Variants in NUDT3 observed in about 807,000 individuals in gnomAD.
NUDT3 encodes the protein diphosphoinositol polyphosphate phosphohydrolase 1.
In NUDT3, 9 loss-of-function variants were observed where a neutral mutation model predicts 23.6. That is an observed-to-expected ratio of 0.38 (90% CI 0.23 to 0.66). The LOEUF is 0.66. NUDT3 is among the 30% of genes least tolerant of loss of function. The pLI, the probability that NUDT3 is intolerant of heterozygous loss-of-function variation, is 0.52. For missense variants in NUDT3, 172 were observed against 218.5 expected (o/e 0.79, Z 1.34); for synonymous variants, 86 against 82.6 (o/e 1.04, Z -0.22).
chr6:34,332,700 G>A lies in NUDT3; in HGVS notation c.210+9162C>T, dbSNP rs1334648266. On this transcript the variant is annotated intron_variant, in intron 2 of 4. Coordinates refer to ENST00000607016, the MANE Select transcript of NUDT3 (RefSeq NM_006703.4). ...AATACTCTGCCACTTTATATAAGGC[G>A]CTTGAGCATCGGCAGATTTTTATAT... 2.6e-5 allele frequency among the ~76,000 whole-genome samples: 4 copies of A among 152,308 alleles called. No individual in the cohort carries two copies. The East Asian group carries it at 5.8e-4, about 22-fold the overall frequency.
chr6:34,360,913 C>T (rs1581890025), intron 1 of NUDT3, among the ~76,000 whole-genome samples: 1 of 152,212 alleles, frequency 6.6e-6, no homozygotes, highest in African/African-American at 2.4e-5. Flanking sequence ...TGTGAACAGA[C>T]ACCTCATGAA....
At chr6:34,310,687 T>TA (rs1763757549) in intron 2 of NUDT3, among the ~76,000 whole-genome samples, 1 of 152,182 alleles carries the variant, frequency 6.6e-6, no homozygotes, top group African/African-American at 2.4e-5. Context: ...CTTCCTAACT[T>TA]AGTCTATGAG....
chr6:34,322,376 C>T (rs1488995475), intron 2 of NUDT3, among the ~76,000 whole-genome samples: 1 of 152,100 alleles, frequency 6.6e-6, no homozygotes, highest in Non-Finnish European at 1.5e-5. Context: ...GCTATAGGCA[C>T]CCGCCACCAC....
At chr6:34,339,219 T>C (rs1764254394) in intron 2 of NUDT3, among the ~76,000 whole-genome samples, 1 of 152,236 alleles carries the variant, frequency 6.6e-6, no homozygotes, top group Admixed American at 6.5e-5. Context: ...TCAAGTGCTT[T>C]GTATTGGGGA....
chr6:34,381,884 C>A (rs1292253803), intron 1 of NUDT3, among the ~76,000 whole-genome samples: 1 of 151,482 alleles, frequency 6.6e-6, no homozygotes, highest in East Asian at 1.9e-4. Context: ...ACCAGCCTGG[C>A]CAACATGGTG....
At chr6:34,368,625 A>G (rs1017167463) in intron 1 of NUDT3, among the ~76,000 whole-genome samples, 7 of 152,126 alleles carry the variant, frequency 4.6e-5, no homozygotes, top group Non-Finnish European at 1.0e-4. Context: ...ACGAAACAGT[A>G]GCTCTGCTTT....
At chr6:34,377,332 G>A (rs1177138297) in intron 1 of NUDT3, among the ~76,000 whole-genome samples, 1 of 151,688 alleles carries the variant, frequency 6.6e-6, no homozygotes, top group Non-Finnish European at 1.5e-5. Flanking sequence ...TTTGCAAAAA[G>A]TGAAGCCTCA....
chr6:34,294,327 GC>G (rs1763467610), intron 3 of NUDT3, among the ~76,000 whole-genome samples: 1 of 151,850 alleles, frequency 6.6e-6, no homozygotes, highest in Admixed American at 6.6e-5. Context: ...TCACCATGTT[GC>G]CCAGGCTGGT....
intron 2 of NUDT3, among the ~76,000 whole-genome samples, chr6:34,313,140 A>G (rs748360970): frequency 3.9e-5 from 6 of 152,084 alleles, no homozygotes; most frequent in Non-Finnish European, 8.8e-5. Flanking sequence ...GCACCACTGC[A>G]CTCCGGCCTG....
At chr6:34,348,910 A>G (rs1170378142) in intron 1 of NUDT3, among the ~76,000 whole-genome samples, 1 of 151,696 alleles carries the variant, frequency 6.6e-6, no homozygotes, top group Non-Finnish European at 1.5e-5. Context: ...CCCAGGCTAG[A>G]GCGCAGTGGT....
intron 3 of NUDT3, among the ~76,000 whole-genome samples, chr6:34,294,948 T>C (rs1763477796): frequency 6.6e-6 from 1 of 152,096 alleles, no homozygotes; most frequent in Admixed American, 6.5e-5. Flanking sequence ...TGATTTCTCC[T>C]GATTTCTCAC....
At chr6:34,306,096 A>C (rs1763674980) in intron 2 of NUDT3, among the ~76,000 whole-genome samples, 1 of 152,088 alleles carries the variant, frequency 6.6e-6, no homozygotes, top group South Asian at 2.1e-4. Context: ...TCACTTTCTA[A>C]ATGAGATTTT....
rs961366255 is a variant in NUDT3, at chr6:34,392,482, C to A, written c.-120G>T. 942 of 633,590 alleles carry A rather than the reference C, an allele frequency of 1.5e-3. 2 individuals are homozygous for A. Among genetic ancestry groups the A allele is most frequent in the Non-Finnish European group, 2.2e-3 (807 of 373,912 alleles). The allele number at this position is 633,590 out of a possible 1,614,324, so 39.2% of individuals were successfully genotyped here. ...GGCCAAGGGAAGCAGGGAGGGGGAG[C>A]TTCTCCGCTACACGGCTCCGCCGCT... On this transcript the variant is annotated 5_prime_UTR_variant, in exon 1 of 5. Coordinates refer to ENST00000607016, the MANE Select transcript of NUDT3 (RefSeq NM_006703.4).
intron 2 of NUDT3, among the ~76,000 whole-genome samples, chr6:34,306,390 C>G (rs925190754): frequency 6.6e-6 from 1 of 152,194 alleles, no homozygotes; most frequent in Non-Finnish European, 1.5e-5. Context: ...TTGTCTAAAT[C>G]CAGCAGCTGT....
At chr6:34,311,780 CA>C (rs1269150686) in intron 2 of NUDT3, among the ~76,000 whole-genome samples, 1 of 152,086 alleles carries the variant, frequency 6.6e-6, no homozygotes, top group African/African-American at 2.4e-5. Flanking sequence ...ATACAATACA[CA>C]AATCTTTGAC....
At chr6:34,335,457 T>C (rs902970448) in intron 2 of NUDT3, among the ~76,000 whole-genome samples, 9 of 152,064 alleles carry the variant, frequency 5.9e-5, no homozygotes, top group Non-Finnish European at 1.3e-4. Flanking sequence ...TTAAATATTA[T>C]AATGTTTATT....
intron 1 of NUDT3, among the ~76,000 whole-genome samples, chr6:34,374,568 A>G (rs1764890880): frequency 2.0e-5 from 3 of 152,026 alleles, no homozygotes; most frequent in Non-Finnish European, 2.9e-5. Flanking sequence ...TCTGTATTGG[A>G]GTAGCAGCAA....
At chr6:34,304,242 ACT>A (rs1344262930) in intron 2 of NUDT3, among the ~76,000 whole-genome samples, 1 of 143,244 alleles carries the variant, frequency 7.0e-6, no homozygotes, top group African/African-American at 2.6e-5. Context: ...CAAGAGTGAA[ACT>A]CTGTCTCAAA....
Position 34,288,662 on chromosome 6 carries a change from C to G in NUDT3, c.*91G>C. 2 of 1,484,352 alleles carry G rather than the reference C, an allele frequency of 1.3e-6. No homozygotes were observed. The highest frequency in any genetic ancestry group is 2.7e-5 in the South Asian group (2 of 73,394). 91.9% of individuals were successfully genotyped at this position (1,484,352 alleles called of 1,614,324 possible). ...ACCATGCCTTATTTGAAAGAGGAGGCCTGTGAGAAGTGGAAAGAGCCAGGG... is the reference window on the plus strand; with the variant it reads ...ACCATGCCTTATTTGAAAGAGGAGGGCTGTGAGAAGTGGAAAGAGCCAGGG... On this transcript the variant is annotated 3_prime_UTR_variant, in exon 5 of 5. Coordinates refer to ENST00000607016, the MANE Select transcript of NUDT3 (RefSeq NM_006703.4).
Sources: allele counts gnomAD v4.1 joint callset (sites outside exome capture counted in the v4.1 genomes callset), GRCh38; gene constraint gnomAD v4.1.1; transcripts MANE v1.5; gene names NCBI Gene and HGNC (gene_info 2026-07-23, HGNC 2026-07-21).